Variants in C1QTNF3 observed in about 807,000 individuals in gnomAD.
The protein encoded by C1QTNF3 is complement C1q tumor necrosis factor-related protein 3.
Under a neutral mutation model 32.6 loss-of-function variants are expected in C1QTNF3, and 26 were observed. The observed-to-expected ratio is 0.80, with a 90% CI of 0.58 to 1.11. C1QTNF3 has a LOEUF of 1.11. C1QTNF3 is among the 50% of genes least tolerant of loss of function. C1QTNF3 has a pLI of 0.00. For synonymous variants in C1QTNF3, 155 were observed against 146.0 expected, an observed-to-expected ratio of 1.06 and a Z score of -0.44; for missense variants, 362 against 398.2, an observed-to-expected ratio of 0.91 and a Z score of 0.77.
At chr5:34,112,867 T>G in the C1QTNF3 span, among the ~76,000 whole-genome samples, 1 of 152,116 alleles carries the variant, frequency 6.6e-6, no homozygotes, top group East Asian at 1.9e-4. Context: ...GTTTGGTCTT[T>G]TGGCCCTTTT....
the C1QTNF3 span, among the ~76,000 whole-genome samples, chr5:34,080,101 G>A: frequency 2.0e-5 from 3 of 151,506 alleles, no homozygotes; most frequent in South Asian, 4.1e-4. Context: ...ATCAAGCCTC[G>A]ATAAAGCAGT....
At chr5:34,025,590 C>T (rs1215600492) in intron 4 of C1QTNF3, among the ~76,000 whole-genome samples, 1 of 152,194 alleles carries the variant, frequency 6.6e-6, no homozygotes, top group African/African-American at 2.4e-5. Flanking sequence ...CGTCTCTTCA[C>T]TCCCAAAGTT....
chr5:34,096,674 T>C, the C1QTNF3 span, among the ~76,000 whole-genome samples: 3 of 146,368 alleles, frequency 2.0e-5, no homozygotes, highest in East Asian at 4.0e-4. Context: ...AAACAAAAGA[T>C]AGATGGGAAA....
the C1QTNF3 span, chr5:34,239,363 T>C: frequency 1.3e-5 from 2 of 152,074 alleles, no homozygotes; most frequent in Non-Finnish European, 2.9e-5. Flanking sequence ...TGGATAAAAA[T>C]GCAAGGCTCA....
the C1QTNF3 span, among the ~76,000 whole-genome samples, chr5:34,230,373 ATTTT>A: frequency 2.3e-4 from 35 of 152,128 alleles, no homozygotes; most frequent in African/African-American, 8.2e-4. Context: ...GTGTATTGTA[ATTTT>A]TATAACAGCC....
the C1QTNF3 span, among the ~76,000 whole-genome samples, chr5:34,132,241 C>T: frequency 6.6e-6 from 1 of 151,804 alleles, no homozygotes; most frequent in Admixed American, 6.6e-5. Context: ...CAAAATTAGC[C>T]AGGCGTGTTG....
the C1QTNF3 span, among the ~76,000 whole-genome samples, chr5:34,164,148 G>A: frequency 1.3e-5 from 2 of 152,196 alleles, no homozygotes; most frequent in African/African-American, 4.8e-5. Context: ...CTAAGCAAAT[G>A]CCCTTAGTGA....
the C1QTNF3 span, among the ~76,000 whole-genome samples, chr5:34,177,918 C>T: frequency 1.3e-5 from 2 of 151,976 alleles, no homozygotes; most frequent in Non-Finnish European, 2.9e-5. Flanking sequence ...CCACCACACC[C>T]AGCACTGCAG....
At chr5:34,035,425 T>C (rs186195) in intron 2 of C1QTNF3, among the ~76,000 whole-genome samples, 63,197 of 152,088 alleles carry the variant, frequency 0.42, 13,756 homozygotes, top group South Asian at 0.72. Context: ...TCATAAAGCA[T>C]GCTGTGGCAG....
chr5:34,140,493 A>C, the C1QTNF3 span, among the ~76,000 whole-genome samples: 2 of 152,264 alleles, frequency 1.3e-5, no homozygotes, highest in Non-Finnish European at 2.9e-5. Context: ...AAAACTTGTT[A>C]AAGATGATAA....
chr5:34,132,376 C>A, the C1QTNF3 span, among the ~76,000 whole-genome samples: 1 of 150,776 alleles, frequency 6.6e-6, no homozygotes, highest in East Asian at 1.9e-4. Context: ...CAGAGGGAGA[C>A]TCCATTTCAA....
At chr5:34,242,103 A>C in the C1QTNF3 span, among the ~76,000 whole-genome samples, 5 of 152,324 alleles carry the variant, frequency 3.3e-5, no homozygotes, top group African/African-American at 1.2e-4. Context: ...AGCAATTTGT[A>C]GATTCAAGGC....
the C1QTNF3 span, among the ~76,000 whole-genome samples, chr5:34,094,184 C>CT: frequency 6.6e-6 from 1 of 152,178 alleles, no homozygotes; most frequent in African/African-American, 2.4e-5. Context: ...ACAATAAACT[C>CT]TATCTTTTAA....
the C1QTNF3 span, among the ~76,000 whole-genome samples, chr5:34,177,600 C>A: frequency 4.0e-5 from 6 of 149,976 alleles, no homozygotes; most frequent in African/African-American, 1.5e-4. Context: ...GATTCTCCTG[C>A]TTTAGCCTCC....
the C1QTNF3 span, among the ~76,000 whole-genome samples, chr5:34,217,108 T>C: frequency 1.3e-5 from 2 of 152,154 alleles, no homozygotes; most frequent in African/African-American, 4.8e-5. Flanking sequence ...CAAAAAGAAT[T>C]GATTATCATG....
At chr5:34,062,380 C>T in the C1QTNF3 span, among the ~76,000 whole-genome samples, 2 of 152,162 alleles carry the variant, frequency 1.3e-5, no homozygotes, top group African/African-American at 2.4e-5. Context: ...GGAATATGCC[C>T]TAATTATTGA....
chr5:34,238,934 T>C, the C1QTNF3 span, among the ~76,000 whole-genome samples: 21 of 152,216 alleles, frequency 1.4e-4, no homozygotes, highest in African/African-American at 4.6e-4. Flanking sequence ...ACTAGGCTAG[T>C]AGTAAATATC....
chr5:34,234,083 C>A, the C1QTNF3 span, among the ~76,000 whole-genome samples: 1 of 152,070 alleles, frequency 6.6e-6, no homozygotes, highest in Non-Finnish European at 1.5e-5. Flanking sequence ...AAGTTCATAT[C>A]GTAAGCCTAA....
At chr5:34,177,166 G>A in the C1QTNF3 span, among the ~76,000 whole-genome samples, 2 of 152,098 alleles carry the variant, frequency 1.3e-5, no homozygotes, top group South Asian at 2.1e-4. Flanking sequence ...TCCAGCCTGG[G>A]CAACAGAGTG....
Sources: gnomAD v4.1 joint callset for allele counts (sites outside exome capture counted in the v4.1 genomes callset) on GRCh38, gnomAD v4.1.1 for gene constraint, MANE v1.5 for transcripts, NCBI Gene and HGNC (gene_info 2026-07-23, HGNC 2026-07-21) for gene names.